The following PITPNM3 variants were observed in gnomAD, a reference collection of about 807,000 sequenced individuals.
PITPNM3 encodes the protein PITPNM family member 3, also known as membrane-associated phosphatidylinositol transfer protein 3.
PITPNM3 carries 26 observed loss-of-function variants against 102.0 expected under a neutral mutation model. The ratio of observed to expected loss-of-function variants is 0.25; its 90% CI spans 0.19 to 0.35. PITPNM3 has a LOEUF of 0.35. Ranked by LOEUF, PITPNM3 falls within the 10% of genes least tolerant of loss-of-function variation. The pLI, the probability that PITPNM3 is intolerant of heterozygous loss-of-function variation, is 1.00. For missense variants in PITPNM3, 1,083 were observed against 1,346.1 expected (o/e 0.80, Z 3.06); for synonymous variants, 578 against 558.6 (o/e 1.03, Z -0.49).
chr17:6,494,910 A>G (rs1020454968), intron 4 of PITPNM3, among the ~76,000 whole-genome samples: 1 of 152,164 alleles, frequency 6.6e-6, no homozygotes, highest in African/African-American at 2.4e-5. Context: ...AATAAATTGG[A>G]CCACAGTGAA....
rs539118330 is a variant in PITPNM3, at chr17:6,534,422, A to T, written c.118+3565T>A. Among the ~76,000 whole-genome samples the T allele has an allele frequency of 3.9e-5, 6 of 152,322 alleles. No homozygotes were observed. In the East Asian group the frequency reaches 1.2e-3, roughly 29 times the overall value. On this transcript the variant is annotated intron_variant, in intron 2 of 19. Transcript: ENST00000262483. ...GAACCCAGAACTCCTCTCTGCTCCC[A>T]GACCATGAGCTCCAAGGGCCTCTCC...
At position 6,468,462 on chromosome 17, in the gene PITPNM3, A is replaced by G; in HGVS notation, c.1774-121T>C. 1.1e-6 allele frequency: 1 copy of G among 944,578 alleles called. No individual in the cohort carries two copies. The highest frequency in any genetic ancestry group is 1.7e-6 in the Non-Finnish European group (1 of 583,618). 58.5% of individuals were successfully genotyped at this position (944,578 alleles called of 1,614,324 possible). Reference sequence around the variant, plus strand: ...CCTGCCCCTGCAACCCCCCAACCTCACAGCCTGGAACCGTCAGGAGGCCGC... The same window carrying G: ...CCTGCCCCTGCAACCCCCCAACCTCGCAGCCTGGAACCGTCAGGAGGCCGC... On this transcript the variant is annotated intron_variant, in intron 13 of 19. Transcript: ENST00000262483. This position sits in a 1 kb window ranked among gnomAD's most constrained non-coding sequence, Gnocchi z 5.2.
chr17:6,470,452 G>A lies in PITPNM3; in HGVS notation c.1625-44C>T, dbSNP rs527323497. ...GGTGAGGATGCGTGGCCGGCCCGGG[G>A]CCTCACCCGAGGGGCAGCGGGGTCT... On this transcript the variant is annotated intron_variant, in intron 12 of 19. Coordinates refer to ENST00000262483, the MANE Select transcript of PITPNM3 (RefSeq NM_031220.4). The surrounding 1 kb of genome is among the most constrained non-coding windows in gnomAD (Gnocchi z 4.8). 9.9e-6 allele frequency: 16 copies of A among 1,613,296 alleles called. No homozygotes were observed. The South Asian group carries it at 1.5e-4, about 16-fold the overall frequency.
rs1908927073 is a variant in PITPNM3, at chr17:6,527,942, C to T, written c.119-2479G>A. 3.3e-5 allele frequency among the ~76,000 whole-genome samples: 5 copies of T among 152,230 alleles called. No homozygotes were observed. In the South Asian group the frequency reaches 1.0e-3, roughly 32 times the overall value. On this transcript the variant is annotated intron_variant, in intron 2 of 19. Transcript: ENST00000262483. Reference sequence around the variant, plus strand: ...GGCTCTGGAGGTCTGAGCATGCCTACTCCTGCATGGCCCAGGCCACTTTCC... The same window carrying T: ...GGCTCTGGAGGTCTGAGCATGCCTATTCCTGCATGGCCCAGGCCACTTTCC...
At chr17:6,508,825 T>G (rs1907700923) in intron 3 of PITPNM3, among the ~76,000 whole-genome samples, 1 of 152,128 alleles carries the variant, frequency 6.6e-6, no homozygotes, top group Non-Finnish European at 1.5e-5. Flanking sequence ...CGGGCTTGCC[T>G]GCCCAGTCCA....
chr17:6,524,471 C>T (rs980693429), intron 3 of PITPNM3, among the ~76,000 whole-genome samples: 1 of 152,190 alleles, frequency 6.6e-6, no homozygotes, highest in Non-Finnish European at 1.5e-5. Flanking sequence ...ATACAGCCCT[C>T]AGCTGAAGAT....
intron 3 of PITPNM3, among the ~76,000 whole-genome samples, chr17:6,523,828 C>T (rs761701619): frequency 3.9e-5 from 6 of 152,196 alleles, no homozygotes; most frequent in Non-Finnish European, 8.8e-5. Flanking sequence ...GTGGATGGGA[C>T]AGTGGTACAG....
intron 4 of PITPNM3, among the ~76,000 whole-genome samples, chr17:6,489,136 T>C (rs1906274681): frequency 6.6e-6 from 1 of 152,180 alleles, no homozygotes; most frequent in Admixed American, 6.5e-5. Flanking sequence ...CACACTGCTC[T>C]TGAGACGAAA....
intron 6 of PITPNM3, chr17:6,481,693 A>G (rs1905678365): frequency 6.6e-6 from 1 of 151,616 alleles, no homozygotes; most frequent in Admixed American, 6.6e-5. Flanking sequence ...CTGTGATATT[A>G]TGCTCCATCA....
chr17:6,457,513 A>C lies in PITPNM3; in HGVS notation c.2619+81T>G. 2 of 1,589,886 alleles carry C rather than the reference A, an allele frequency of 1.3e-6. No homozygotes were observed. The highest frequency in any genetic ancestry group is 1.7e-6 in the Non-Finnish European group (2 of 1,163,360). ...GGGGGAATGAACAAATGAATGAATG[A>C]ATGAATGAAGTGCTTACTCCCTCTA... On this transcript the variant is annotated intron_variant, in intron 19 of 19. Coordinates refer to ENST00000262483, the MANE Select transcript of PITPNM3 (RefSeq NM_031220.4). The surrounding 1 kb of genome is among the most constrained non-coding windows in gnomAD (Gnocchi z 4.7).
chr17:6,544,935 C>T (rs1909940979), intron 1 of PITPNM3, among the ~76,000 whole-genome samples: 1 of 152,172 alleles, frequency 6.6e-6, no homozygotes, highest in Non-Finnish European at 1.5e-5. Context: ...CTTGGGGTCC[C>T]TGGGGTCCAA....
Position 6,522,263 on chromosome 17 carries a change from C to A in PITPNM3, c.226+3093G>T, listed in dbSNP as rs117327668. ...TCACAATCACAAATGAGAAAGAAGA[C>A]CCATGAGGTATATTTAGTGTGCGCA... On this transcript the variant is annotated intron_variant, in intron 3 of 19. Transcript: ENST00000262483. Among the ~76,000 whole-genome samples, 39 of 145,430 alleles carry A rather than the reference C, an allele frequency of 2.7e-4. No individual in the cohort carries two copies. The East Asian group carries it at 7.9e-3, about 29-fold the overall frequency.
chr17:6,506,018 G>A (rs906143023), intron 3 of PITPNM3, among the ~76,000 whole-genome samples: 13 of 152,172 alleles, frequency 8.5e-5, no homozygotes, highest in African/African-American at 3.1e-4. Context: ...CAAGTTCAAG[G>A]CAAAGCGGGG....
intron 14 of PITPNM3, among the ~76,000 whole-genome samples, chr17:6,466,657 G>C (rs1904785763): frequency 2.0e-5 from 3 of 152,200 alleles, no homozygotes. Flanking sequence ...ATGTGAAATG[G>C]TACAGTCACT....
intron 3 of PITPNM3, among the ~76,000 whole-genome samples, chr17:6,504,015 C>T (rs979606398): frequency 3.3e-5 from 5 of 152,136 alleles, no homozygotes; most frequent in Non-Finnish European, 7.3e-5. Flanking sequence ...ATCCCACTGC[C>T]CCCCAGACGT....
Position 6,455,561 on chromosome 17 carries a change from A to ATGCGC in PITPNM3, c.2697_2701dup (p.Met901SerfsTer3). Reference sequence around the variant, plus strand: ...CCCGAAGCTGCCCTTGCGCAGGATCATGCGCGAGTTGTTCTTCTTTGGGCG... The same window carrying ATGCGC: ...CCCGAAGCTGCCCTTGCGCAGGATCATGCGCTGCGCGAGTTGTTCTTCTTTGGGCG... On this transcript the variant is annotated frameshift_variant, in exon 20 of 20. Coordinates refer to ENST00000262483, the MANE Select transcript of PITPNM3 (RefSeq NM_031220.4). LOFTEE classifies it high-confidence loss of function. 2 of 1,602,214 alleles carry ATGCGC rather than the reference A, an allele frequency of 1.2e-6. No individual in the cohort carries two copies. Among genetic ancestry groups the ATGCGC allele is most frequent in the Non-Finnish European group, 1.7e-6 (2 of 1,179,214 alleles).
chr17:6,527,397 A>G (rs1908894655), intron 2 of PITPNM3, among the ~76,000 whole-genome samples: 1 of 152,242 alleles, frequency 6.6e-6, no homozygotes, highest in African/African-American at 2.4e-5. Context: ...TTAAGTGAGA[A>G]GATGCAGGTA....
chr17:6,478,829 C>A lies in PITPNM3; in HGVS notation c.588-93G>T. 3 of 1,308,822 alleles carry A rather than the reference C, an allele frequency of 2.3e-6. No homozygotes were observed. The highest frequency in any genetic ancestry group is 1.0e-6 in the Non-Finnish European group (1 of 965,252). The allele number at this position is 1,308,822 out of a possible 1,614,324, so 81.1% of individuals were successfully genotyped here. A position where few individuals can be genotyped will look rare whatever the true frequency, so the allele number is the denominator to read the frequency against. On this transcript the variant is annotated intron_variant, in intron 6 of 19. Coordinates refer to ENST00000262483, the MANE Select transcript of PITPNM3 (RefSeq NM_031220.4). The surrounding 1 kb of genome is among the most constrained non-coding windows in gnomAD (Gnocchi z 4.4). Reference sequence around the variant, plus strand: ...TCAGGCAGAAGAGAGCACATACTGGCCAGGAATTGGGCTCCAGGGACCCTT... The same window carrying A: ...TCAGGCAGAAGAGAGCACATACTGGACAGGAATTGGGCTCCAGGGACCCTT...
chr17:6,546,247 C>T (rs149123809), intron 1 of PITPNM3, among the ~76,000 whole-genome samples: 85 of 152,332 alleles, frequency 5.6e-4, no homozygotes, highest in Non-Finnish European at 8.5e-4. Context: ...CTCATGTGCT[C>T]GTCTGTTTCA....
Sources: gnomAD v4.1 joint callset for allele counts (sites outside exome capture counted in the v4.1 genomes callset) on GRCh38, gnomAD v4.1.1 for gene constraint, Gnocchi (gnomAD v3.1) non-coding constraint, MANE v1.5 for transcripts, NCBI Gene and HGNC (gene_info 2026-07-23, HGNC 2026-07-21) for gene names.